Variants in DRD3 observed in about 807,000 individuals in gnomAD.
The protein encoded by DRD3 is dopamine receptor D3.
DRD3 carries 19 observed loss-of-function variants against 36.3 expected under a neutral mutation model. The ratio of observed to expected loss-of-function variants is 0.52; its 90% CI spans 0.36 to 0.77. The LOEUF (loss-of-function observed/expected upper bound fraction) is 0.77. Among genes scored for constraint, DRD3 ranks in the 30% least tolerant of loss-of-function variants. DRD3 has a pLI of 0.00. For missense variants in DRD3, 465 were observed against 505.3 expected (o/e 0.92, Z 0.77); for synonymous variants, 195 against 203.7 (o/e 0.96, Z 0.36).
At chr3:114,144,029 G>T (rs892827022) in intron 4 of DRD3, among the ~76,000 whole-genome samples, 1 of 152,236 alleles carries the variant, frequency 6.6e-6, no homozygotes, top group Non-Finnish European at 1.5e-5. Flanking sequence ...ACCATGCTCT[G>T]CTGTATCAGG....
At chr3:114,139,791 A>C in intron 4 of DRD3, 95 bp from the exon 5 acceptor site, 1 of 1,188,158 alleles carries the variant, frequency 8.4e-7, no homozygotes, top group Non-Finnish European at 1.2e-6. Context: ...TGGTGCCTGC[A>C]CTTTCTGCTG....
rs769889675 is a variant in DRD3 at position 114,171,946 on chromosome 3, C to A, written c.47G>T (p.Gly16Val). The change falls in exon 2 of 7, where the codon GGG becomes GTG. Residue 16 changes from glycine to valine, a missense_variant. Transcript: ENST00000383673. The stretch of plus-strand genomic sequence containing the variant: ...GCTGGCACCTGTGGAGTTCTCTGCC[C>A]CACAGGTGTAGTTCAGGTGGCCACT... ...QLSGHLNYTC[G>V]AENSTGASQA... is the part of the protein sequence containing the mutation. The A allele has an allele frequency of 1.3e-6, 2 of 1,569,042 alleles. No individual in the cohort carries two copies. Among genetic ancestry groups the A allele is most frequent in the South Asian group, 2.4e-5 (2 of 83,966 alleles).
chr3:114,161,827 G>A (rs188849488), intron 2 of DRD3, among the ~76,000 whole-genome samples: 42 of 152,308 alleles, frequency 2.8e-4, no homozygotes, highest in African/African-American at 8.4e-4. Context: ...CTGTAAAAGC[G>A]TCTTGCAAAA....
chr3:114,184,883 A>G (rs1189894970), intron 1 of DRD3, among the ~76,000 whole-genome samples: 1 of 152,176 alleles, frequency 6.6e-6, no homozygotes, highest in Non-Finnish European at 1.5e-5. Flanking sequence ...TTTGAAGGAC[A>G]ATTGTTCTGA....
intron 4 of DRD3, among the ~76,000 whole-genome samples, chr3:114,141,175 G>A (rs1385794814): frequency 3.3e-5 from 5 of 152,202 alleles, no homozygotes; most frequent in African/African-American, 9.7e-5. Context: ...GGGATTACAG[G>A]CATGGGCCGC....
chr3:114,189,721 C>T (rs371161470), intron 1 of DRD3, among the ~76,000 whole-genome samples: 1 of 152,174 alleles, frequency 6.6e-6, no homozygotes, highest in Admixed American at 6.5e-5. Context: ...TGTTGTTTGA[C>T]ACTAGGAGGC....
chr3:114,150,572 G>T (rs1407225521), intron 3 of DRD3, among the ~76,000 whole-genome samples: 2 of 152,206 alleles, frequency 1.3e-5, no homozygotes, highest in Non-Finnish European at 2.9e-5. Flanking sequence ...GGTCACGAAG[G>T]CCTCCTTTCC....
chr3:114,193,294 A>G (rs2078021535), intron 1 of DRD3, among the ~76,000 whole-genome samples: 1 of 121,800 alleles, frequency 8.2e-6, no homozygotes, highest in Non-Finnish European at 1.8e-5. Context: ...AACAACGACA[A>G]CAACAACAAC....
rs766372564 is a variant in DRD3 at position 114,171,917 on chromosome 3, C to T, written c.76G>A (p.Ala26Thr). 2 of 1,605,656 alleles carry T rather than the reference C, an allele frequency of 1.2e-6. No homozygotes were observed. The highest frequency in any genetic ancestry group is 2.2e-5 in the South Asian group (2 of 89,754). Residue 26 changes from alanine to threonine, a missense_variant, in exon 2 of 7, where the codon GCC becomes ACC. By Grantham distance (58) the Ala-to-Thr change is moderately conservative (BLOSUM62 0). Transcript: ENST00000383673. Reference protein sequence around the residue: ...GAENSTGASQARPHAYYALSY... With the variant: ...GAENSTGASQTRPHAYYALSY... Reference sequence around the variant, plus strand: ...AGGGCATAGTAGGCATGTGGGCGGGCCTGGCTGGCACCTGTGGAGTTCTCT... The same window carrying T: ...AGGGCATAGTAGGCATGTGGGCGGGTCTGGCTGGCACCTGTGGAGTTCTCT...
At chr3:114,165,182 G>T (rs991969185) in intron 2 of DRD3, among the ~76,000 whole-genome samples, 1 of 152,150 alleles carries the variant, frequency 6.6e-6, no homozygotes, top group Non-Finnish European at 1.5e-5. Flanking sequence ...AAGATCTAGT[G>T]GCAGGTCCAA....
upstream of DRD3, among the ~76,000 whole-genome samples, chr3:114,181,683 T>A (rs2077948610): frequency 6.6e-6 from 1 of 152,238 alleles, no homozygotes; most frequent in Non-Finnish European, 1.5e-5. Flanking sequence ...AAAGTCTTTA[T>A]GTTTTCAACT....
intron 3 of DRD3, among the ~76,000 whole-genome samples, chr3:114,156,656 A>G (rs1447573765): frequency 6.6e-6 from 1 of 152,058 alleles, no homozygotes; most frequent in Non-Finnish European, 1.5e-5. Context: ...CCTATTGAAT[A>G]AAAGTTAGAA....
intron 1 of DRD3, among the ~76,000 whole-genome samples, chr3:114,199,112 A>G (rs2078052005): frequency 2.6e-5 from 4 of 152,188 alleles, no homozygotes; most frequent in African/African-American, 9.7e-5. Flanking sequence ...TTTTGTTTTC[A>G]TGTGAAATTC....
At chr3:114,163,681 C>T (rs1259519274) in intron 2 of DRD3, among the ~76,000 whole-genome samples, 1 of 152,084 alleles carries the variant, frequency 6.6e-6, no homozygotes, top group Admixed American at 6.5e-5. Context: ...CTAATGAGTG[C>T]CCAAGATATG....
chr3:114,151,684 T>C (rs1387175225), intron 3 of DRD3, among the ~76,000 whole-genome samples: 4 of 151,902 alleles, frequency 2.6e-5, no homozygotes, highest in African/African-American at 9.7e-5. Flanking sequence ...TAGGGAACCC[T>C]GGCTCTATCC....
intron 1 of DRD3, among the ~76,000 whole-genome samples, chr3:114,196,969 TA>T (rs2078038378): frequency 6.6e-6 from 1 of 150,956 alleles, no homozygotes. Flanking sequence ...AATTTATTTT[TA>T]TTTTTTTCTT....
At chr3:114,167,860 T>C (rs2077801300) in intron 2 of DRD3, among the ~76,000 whole-genome samples, 1 of 152,250 alleles carries the variant, frequency 6.6e-6, no homozygotes, top group Non-Finnish European at 1.5e-5. Flanking sequence ...TTGATACTTC[T>C]ACTAGAAATT....
chr3:114,147,133 T>C (rs2077576017), intron 4 of DRD3, among the ~76,000 whole-genome samples: 1 of 152,164 alleles, frequency 6.6e-6, no homozygotes, highest in Non-Finnish European at 1.5e-5. Context: ...GGTACATTTC[T>C]GCAAATGAAT....
At chr3:114,136,916 G>A (rs1045594964) in intron 5 of DRD3, among the ~76,000 whole-genome samples, 2 of 152,154 alleles carry the variant, frequency 1.3e-5, no homozygotes, top group African/African-American at 4.8e-5. Context: ...TTCTCTGCCT[G>A]GTTTTTGCTC....
Sources: gnomAD v4.1 joint callset for allele counts (sites outside exome capture counted in the v4.1 genomes callset) on GRCh38, gnomAD v4.1.1 for gene constraint, MANE v1.5 for transcripts, NCBI Gene and HGNC (gene_info 2026-07-23, HGNC 2026-07-21) for gene names.